The following FREM1 variants were observed in gnomAD, a reference collection of about 807,000 sequenced individuals.
The protein encoded by FREM1 is FRAS1-related extracellular matrix protein 1.
A neutral mutation model predicts 210.1 loss-of-function variants in FREM1; 220 were observed. The ratio of observed to expected loss-of-function variants is 1.05; its 90% CI spans 0.94 to 1.17. The LOEUF (loss-of-function observed/expected upper bound fraction) is 1.17, where lower values mean the gene tolerates loss of function less well. FREM1 is among the 50% of genes most tolerant of loss of function. The pLI, the probability that FREM1 is intolerant of heterozygous loss-of-function variation, is 0.00. For synonymous variants in FREM1, 1,189 were observed against 980.2 expected (o/e 1.21, Z -3.98); for missense variants, 3,454 against 2,675.5 (o/e 1.29, Z -6.42).
At position 14,859,168 on chromosome 9, in the gene FREM1, T is replaced by A; in HGVS notation, c.631+15A>T. ...GTTTTGGTAATACCCAGAAAGGCAT[T>A]AAAAGACATCATACGGGACTCTGGG... On this transcript the variant is annotated intron_variant, in intron 4 of 36. Coordinates refer to ENST00000380880, the MANE Select transcript of FREM1 (RefSeq NM_001379081.2). The A allele has an allele frequency of 6.5e-7, 1 of 1,541,208 alleles. No homozygotes were observed. The highest frequency in any genetic ancestry group is 8.7e-7 in the Non-Finnish European group (1 of 1,145,968).
intron 1 of FREM1, among the ~76,000 whole-genome samples, chr9:14,882,547 T>G (rs988119602): frequency 1.3e-5 from 2 of 151,016 alleles, no homozygotes; most frequent in Non-Finnish European, 3.0e-5. Context: ...TGCAACCTCC[T>G]GGGTTCAAGC....
Position 14,824,089 on chromosome 9 carries a change from A to G in FREM1, c.2105T>C (p.Met702Thr). The G allele has an allele frequency of 1.9e-6, 3 of 1,586,674 alleles. No individual in the cohort carries two copies. Among genetic ancestry groups the G allele is most frequent in the Non-Finnish European group, 2.6e-6 (3 of 1,164,808 alleles). The stretch of plus-strand genomic sequence containing the variant: ...AACTACTTTTGGTATGCTGTCCACC[A>G]TAAATAATTTCCCAGCATCCAAGTG... ...HRHLDAGKLFMVDSIPKVVKN... is the reference protein window; with the variant it reads ...HRHLDAGKLFTVDSIPKVVKN... The change falls in exon 12 of 37, where the codon ATG (methionine) becomes ACG (threonine). Residue 702 changes from methionine to threonine, a missense_variant. Physicochemically the swap from Met to Thr is moderately conservative, Grantham distance 81. Coordinates refer to ENST00000380880, the MANE Select transcript of FREM1 (RefSeq NM_001379081.2).
chr9:14,860,884 C>CGTATATATAT (rs775970321), intron 3 of FREM1, among the ~76,000 whole-genome samples: 1 of 57,272 alleles, frequency 1.7e-5, no homozygotes, highest in African/African-American at 1.2e-4. Flanking sequence ...CGTATATATA[C>CGTATATATAT]ACATATATAC....
intron 1 of FREM1, among the ~76,000 whole-genome samples, chr9:14,882,062 C>T (rs1214462758): frequency 6.6e-6 from 1 of 152,182 alleles, no homozygotes; most frequent in Non-Finnish European, 1.5e-5. Flanking sequence ...CAGAATTTTA[C>T]ACAGGAGAGA....
intron 17 of FREM1, among the ~76,000 whole-genome samples, chr9:14,807,697 A>C (rs370766741): frequency 2.7e-5 from 4 of 146,028 alleles, no homozygotes; most frequent in East Asian, 2.1e-4. Flanking sequence ...ACACACACAC[A>C]CCCCAACACA....
chr9:14,771,969 G>T (rs979077873), intron 25 of FREM1, among the ~76,000 whole-genome samples: 3 of 151,660 alleles, frequency 2.0e-5, no homozygotes, highest in Non-Finnish European at 2.9e-5. Flanking sequence ...TATAGACATA[G>T]GCAAAAATCT....
rs779456939 is a variant in FREM1, at chr9:14,826,387, G to GC, written c.1882-1396dup. 2.8e-3 allele frequency among the ~76,000 whole-genome samples: 431 copies of GC among 152,090 alleles called. 1 individual carries two copies. Among genetic ancestry groups the GC allele is most frequent in the Non-Finnish European group, 1.8e-3 (120 of 67,944 alleles). ...GATTACAGCCATGAGCCACCACCCAGCCACCTTTCAACATCTTTTACTACC... is the reference window on the plus strand; with the variant it reads ...GATTACAGCCATGAGCCACCACCCAGCCCACCTTTCAACATCTTTTACTACC... On this transcript the variant is annotated intron_variant, in intron 10 of 36. Transcript: ENST00000380880.
rs1391565046 is a variant in FREM1, at chr9:14,804,969, A to G, written c.3458T>C (p.Val1153Ala). ...TATGTTTCTTACAGTAATATTCTGC[A>G]CTACAAAGTCAGGAGCTTCATCATT... is the stretch of plus-strand genomic sequence containing the variant. ...PTNDEAPDFV[V>A]QNITVCEGQM... The change falls in exon 19 of 37, where the codon GTG (valine) becomes GCG (alanine). Residue 1153 changes from valine (V) to alanine (A), a missense_variant. Val to Ala is a moderately conservative substitution (Grantham distance 64). Coordinates refer to ENST00000380880, the MANE Select transcript of FREM1 (RefSeq NM_001379081.2). 1 of 1,610,446 alleles carries G rather than the reference A, an allele frequency of 6.2e-7. No homozygotes were observed. The highest frequency in any genetic ancestry group is 8.5e-7 in the Non-Finnish European group (1 of 1,176,758).
Position 14,737,316 on chromosome 9 carries a change from T to C in FREM1, c.*80A>G. On this transcript the variant is annotated 3_prime_UTR_variant, in exon 37 of 37. Transcript: ENST00000380880. Reference sequence around the variant, plus strand: ...TACCCACTCAATCATAACAATTTGTTTTCTATGGAGCAATATTCACAGATC... The same window carrying C: ...TACCCACTCAATCATAACAATTTGTCTTCTATGGAGCAATATTCACAGATC... 9.4e-7 allele frequency: 1 copy of C among 1,065,966 alleles called. No individual in the cohort carries two copies. Among genetic ancestry groups the C allele is most frequent in the South Asian group, 1.7e-5 (1 of 59,548 alleles). The allele number at this position is 1,065,966 out of a possible 1,614,324, so 66.0% of individuals were successfully genotyped here. A position where few individuals can be genotyped will look rare whatever the true frequency, so the allele number is the denominator to read the frequency against.
At chr9:14,797,999 A>G in intron 20 of FREM1, among the ~76,000 whole-genome samples, 1 of 152,204 alleles carries the variant, frequency 6.6e-6, no homozygotes, top group East Asian at 1.9e-4. Context: ...CCAATCATCA[A>G]AATGAATTCT....
intron 19 of FREM1, among the ~76,000 whole-genome samples, chr9:14,803,344 C>G: frequency 7.0e-6 from 1 of 143,196 alleles, no homozygotes; most frequent in South Asian, 2.4e-4. Context: ...CCTCCTCCTT[C>G]CTTCCTTTCT....
intron 20 of FREM1, among the ~76,000 whole-genome samples, chr9:14,798,527 T>C (rs766421248): frequency 2.0e-5 from 3 of 152,102 alleles, no homozygotes; most frequent in Non-Finnish European, 4.4e-5. Flanking sequence ...GGAGGAATGC[T>C]TGATCCCAGG....
At chr9:14,806,903 G>C (rs1818473274) in intron 17 of FREM1, 57 bp from the exon 18 acceptor site, 4 of 1,125,330 alleles carry the variant, frequency 3.6e-6, no homozygotes, top group Non-Finnish European at 5.0e-6. Context: ...AAACAGACTG[G>C]GTAGGACAAA....
intron 27 of FREM1, among the ~76,000 whole-genome samples, chr9:14,760,728 C>A (rs1258798424): frequency 6.6e-6 from 1 of 152,116 alleles, no homozygotes. Flanking sequence ...AAATCTAATG[C>A]CAAATCTTCC....
At chr9:14,827,915 G>A (rs1322222246) in intron 10 of FREM1, among the ~76,000 whole-genome samples, 2 of 152,178 alleles carry the variant, frequency 1.3e-5, no homozygotes, top group Admixed American at 1.3e-4. Context: ...ACAAGAAGTA[G>A]GCCTTGGCAC....
chr9:14,825,553 A>ATATATATATATATATATATATATG (rs1822260938), intron 10 of FREM1, among the ~76,000 whole-genome samples: 1 of 90,358 alleles, frequency 1.1e-5, no homozygotes, highest in African/African-American at 3.4e-5. Flanking sequence ...GTGTGTATAT[A>ATATATATATATATATATATATATG]TATATATATA....
Position 14,859,389 on chromosome 9 carries a change from A to G in FREM1, c.425T>C (p.Leu142Pro), listed in dbSNP as rs1238613215. Reference sequence around the variant, plus strand: ...CAAGCCATTGAATTCAGGCACCTCCAGCACATTGTTACTCATATGGATGAT... The same window carrying G: ...CAAGCCATTGAATTCAGGCACCTCCGGCACATTGTTACTCATATGGATGAT... ...CNIIHMSNNV[L>P]EVPEFNGLSQ... Residue 142 changes from leucine (L) to proline (P), a missense_variant, in exon 4 of 37, where the codon CTG (leucine) becomes CCG (proline). Coordinates refer to ENST00000380880, the MANE Select transcript of FREM1 (RefSeq NM_001379081.2). The G allele has an allele frequency of 1.2e-6, 2 of 1,613,974 alleles. No homozygotes were observed. The highest frequency in any genetic ancestry group is 1.1e-5 in the South Asian group (1 of 91,082).
At chr9:14,779,033 A>G (rs914529680) in intron 24 of FREM1, among the ~76,000 whole-genome samples, 2 of 152,190 alleles carry the variant, frequency 1.3e-5, no homozygotes, top group Non-Finnish European at 2.9e-5. Flanking sequence ...GCAGAGCCTG[A>G]GAACAGAGTT....
At chr9:14,792,937 G>C (rs1851680612) in intron 21 of FREM1, 53 bp from the exon 22 acceptor site, 1 of 1,194,104 alleles carries the variant, frequency 8.4e-7, no homozygotes, top group Non-Finnish European at 1.2e-6. Context: ...TATTCCTTTA[G>C]TAGGGGACAC....
Sources: gnomAD v4.1 joint callset for allele counts (sites outside exome capture counted in the v4.1 genomes callset) on GRCh38, gnomAD v4.1.1 for gene constraint, MANE v1.5 for transcripts, NCBI Gene and HGNC (gene_info 2026-07-23, HGNC 2026-07-21) for gene names.